The following PRORP variants were observed in gnomAD, a reference collection of about 807,000 sequenced individuals.
The protein encoded by PRORP is protein only RNase P catalytic subunit, also known as mitochondrial ribonuclease P catalytic subunit.
A neutral mutation model predicts 59.4 loss-of-function variants in PRORP; 51 were observed. The ratio of observed to expected loss-of-function variants is 0.86; its 90% CI spans 0.69 to 1.08. The LOEUF is 1.08. PRORP is among the 50% of genes least tolerant of loss of function. The pLI, the probability that PRORP is intolerant of heterozygous loss-of-function variation, is 0.00. For synonymous variants in PRORP, 231 were observed against 245.6 expected (o/e 0.94, Z 0.55); for missense variants, 646 against 690.3 (o/e 0.94, Z 0.72).
chr14:35,187,602 G>A (rs557117913), intron 5 of PRORP, among the ~76,000 whole-genome samples: 41 of 149,920 alleles, frequency 2.7e-4, no homozygotes, highest in African/African-American at 9.8e-4. Context: ...TTTTTTTTTC[G>A]TATTTTTAGT....
At chr14:35,247,372 T>C (rs1483655686) in intron 5 of PRORP, among the ~76,000 whole-genome samples, 1 of 152,194 alleles carries the variant, frequency 6.6e-6, no homozygotes, top group Non-Finnish European at 1.5e-5. Context: ...AAGGTGTCTT[T>C]TTATATAGCC....
intron 4 of PRORP, among the ~76,000 whole-genome samples, chr14:35,138,934 G>C (rs974819881): frequency 1.4e-5 from 2 of 144,876 alleles, no homozygotes; most frequent in African/African-American, 4.9e-5. Flanking sequence ...GGGACTACAG[G>C]TGCATACCAC....
intron 5 of PRORP, among the ~76,000 whole-genome samples, chr14:35,201,616 T>A (rs1291028117): frequency 2.0e-5 from 3 of 151,422 alleles, no homozygotes; most frequent in Non-Finnish European, 2.9e-5. Flanking sequence ...ACAAAATGCC[T>A]CATTGTATAC....
At chr14:35,156,231 G>A (rs1198038244) in intron 4 of PRORP, among the ~76,000 whole-genome samples, 1 of 152,220 alleles carries the variant, frequency 6.6e-6, no homozygotes, top group Non-Finnish European at 1.5e-5. Context: ...GATGTGGAGT[G>A]TGGGGATTTC....
chr14:35,157,145 T>C (rs994996856), intron 4 of PRORP, among the ~76,000 whole-genome samples: 15 of 151,912 alleles, frequency 9.9e-5, no homozygotes, highest in African/African-American at 3.6e-4. Context: ...TTAGTAGAGA[T>C]GGGGTTTCAC....
chr14:35,213,516 C>T (rs919551243), intron 5 of PRORP, among the ~76,000 whole-genome samples: 7 of 152,292 alleles, frequency 4.6e-5, no homozygotes, highest in South Asian at 2.1e-4. Flanking sequence ...TAGCTTTTGA[C>T]CTGTCTTGGC....
intron 2 of PRORP, among the ~76,000 whole-genome samples, chr14:35,125,894 C>T (rs564345742): frequency 6.6e-6 from 1 of 152,170 alleles, no homozygotes; most frequent in South Asian, 2.1e-4. Flanking sequence ...CGGTGTGTGC[C>T]GGTAGTCCTA....
At chr14:35,194,071 C>G (rs2048950972) in intron 5 of PRORP, among the ~76,000 whole-genome samples, 1 of 152,068 alleles carries the variant, frequency 6.6e-6, no homozygotes, top group Non-Finnish European at 1.5e-5. Context: ...GATGGGATTA[C>G]TACTAGAGGC....
intron 6 of PRORP, among the ~76,000 whole-genome samples, chr14:35,269,331 T>G (rs1481371874): frequency 6.6e-6 from 1 of 152,232 alleles, no homozygotes; most frequent in Non-Finnish European, 1.5e-5. Context: ...ATTTGAAGTG[T>G]TATGACCAAG....
intron 5 of PRORP, among the ~76,000 whole-genome samples, chr14:35,250,218 C>T (rs1274052565): frequency 1.3e-5 from 2 of 150,536 alleles, no homozygotes; most frequent in Non-Finnish European, 3.0e-5. Flanking sequence ...GGTGACAGAG[C>T]GAGACTCGGT....
chr14:35,175,784 C>T (rs1427040335), intron 4 of PRORP, among the ~76,000 whole-genome samples: 3 of 152,082 alleles, frequency 2.0e-5, no homozygotes, highest in African/African-American at 7.2e-5. Context: ...GTTGCCATTG[C>T]TTTTAGTGTT....
chr14:35,178,907 C>A (rs1200435931), intron 4 of PRORP, among the ~76,000 whole-genome samples: 10 of 152,132 alleles, frequency 6.6e-5, no homozygotes. Flanking sequence ...TTTAGTGCTT[C>A]CTTCAGAAGC....
chr14:35,163,751 CTTTAG>C (rs1449515393), intron 4 of PRORP, among the ~76,000 whole-genome samples: 10 of 152,034 alleles, frequency 6.6e-5, no homozygotes, highest in Non-Finnish European at 4.4e-5. Context: ...TACAGAGGCT[CTTTAG>C]TTTAATTAGT....
At position 35,123,700 on chromosome 14, in the gene PRORP, A is replaced by G; in HGVS notation, c.455A>G (p.His152Arg). 2.5e-6 allele frequency: 4 copies of G among 1,614,248 alleles called. No individual in the cohort carries two copies. The highest frequency in any genetic ancestry group is 2.2e-5 in the East Asian group (1 of 44,888). ...SWIISQMAGCHSSIDVAKSLL... is the reference protein window; with the variant it reads ...SWIISQMAGCRSSIDVAKSLL... The stretch of plus-strand genomic sequence containing the variant: ...ATCATTTCACAGATGGCTGGCTGTC[A>G]TAGCTCTATAGATGTGGCTAAATCT... Residue 152 changes from histidine to arginine, a missense_variant, in exon 2 of 8, where the codon CAT becomes CGT. His to Arg is a conservative substitution (Grantham distance 29). Transcript: ENST00000534898.
At chr14:35,129,966 T>C (rs2047195757) in intron 4 of PRORP, among the ~76,000 whole-genome samples, 1 of 152,156 alleles carries the variant, frequency 6.6e-6, no homozygotes, top group Non-Finnish European at 1.5e-5. Context: ...TATCTTACTG[T>C]ACTATCAATG....
intron 5 of PRORP, among the ~76,000 whole-genome samples, chr14:35,226,658 C>T (rs774249922): frequency 5.3e-5 from 8 of 151,872 alleles, no homozygotes; most frequent in Non-Finnish European, 1.2e-4. Flanking sequence ...TTTACTGTGA[C>T]GAGATTTGAG....
chr14:35,270,768 A>C (rs2051166008), intron 7 of PRORP, among the ~76,000 whole-genome samples, 172 bp downstream of exon 7: 1 of 152,160 alleles, frequency 6.6e-6, no homozygotes, highest in East Asian at 1.9e-4. Flanking sequence ...TAGAGTTTTC[A>C]TAGGCCAACC....
chr14:35,168,356 T>C (rs1365310720), intron 4 of PRORP, among the ~76,000 whole-genome samples: 1 of 152,178 alleles, frequency 6.6e-6, no homozygotes, highest in Non-Finnish European at 1.5e-5. Context: ...TCCTAAAGAC[T>C]AATGATGTTG....
At chr14:35,255,754 C>T (rs1259812079) in intron 5 of PRORP, among the ~76,000 whole-genome samples, 2 of 152,016 alleles carry the variant, frequency 1.3e-5, no homozygotes, top group African/African-American at 2.4e-5. Flanking sequence ...GGGATGCAAT[C>T]GGTAAAATCT....
Sources: gnomAD v4.1 joint callset for allele counts (sites outside exome capture counted in the v4.1 genomes callset) on GRCh38, gnomAD v4.1.1 for gene constraint, MANE v1.5 for transcripts, NCBI Gene and HGNC (gene_info 2026-07-23, HGNC 2026-07-21) for gene names.